ANKRD30A: variants seen among roughly 807,000 people sequenced by gnomAD.
ANKRD30A encodes the protein ankyrin repeat domain-containing protein 30A.
In ANKRD30A, 170 loss-of-function variants were observed where a neutral mutation model predicts 166.3. The observed-to-expected ratio is 1.02, with a 90% CI of 0.90 to 1.16. ANKRD30A has a LOEUF of 1.16. Ranked by LOEUF, ANKRD30A falls within the 50% of genes most tolerant of loss-of-function variation. The pLI, the probability that ANKRD30A is intolerant of heterozygous loss-of-function variation, is 0.00. For missense variants in ANKRD30A, 1,630 were observed against 1,518.0 expected (o/e 1.07, Z -1.23); for synonymous variants, 564 against 508.9 (o/e 1.11, Z -1.46).
chr10:37,208,337 T>C (rs2132712644), intron 31 of ANKRD30A, among the ~76,000 whole-genome samples: 1 of 152,250 alleles, frequency 6.6e-6, no homozygotes. Context: ...TCCTTCTTTC[T>C]GGAGCTGAGT....
intron 5 of ANKRD30A, among the ~76,000 whole-genome samples, 190 bp from the exon 6 acceptor site, chr10:37,136,417 T>C (rs1187769830): frequency 6.6e-6 from 1 of 152,184 alleles, no homozygotes; most frequent in Non-Finnish European, 1.5e-5. Flanking sequence ...CATCTTACTT[T>C]ATTTCTTCTT....
In ANKRD30A at chr10:37,218,004, A is replaced by G. The variant is rs572749646; in HGVS notation, c.3267+126A>G. On this transcript the variant is annotated intron_variant, in intron 33 of 35. Coordinates refer to ENST00000361713, the MANE Select transcript of ANKRD30A (RefSeq NM_052997.3). ...CAAACAAAAATGTTGTCTTAAAATT[A>G]ACTATCACATTTGTAGCTACAGTTA... 113 of 587,834 alleles carry G rather than the reference A, an allele frequency of 1.9e-4. No individual in the cohort carries two copies. The East Asian group carries it at 4.0e-3, about 21-fold the overall frequency. 36.4% of individuals were successfully genotyped at this position (587,834 alleles called of 1,614,324 possible). A position where few individuals can be genotyped will look rare whatever the true frequency, so the allele number is the denominator to read the frequency against.
At chr10:37,145,628 A>G (rs1387193235) in intron 8 of ANKRD30A, among the ~76,000 whole-genome samples, 2 of 152,280 alleles carry the variant, frequency 1.3e-5, no homozygotes, top group African/African-American at 4.8e-5. Context: ...AGAATTCACC[A>G]GTAATTCACA....
intron 29 of ANKRD30A, among the ~76,000 whole-genome samples, chr10:37,198,572 C>G (rs11011067): frequency 6.6e-6 from 1 of 152,010 alleles, no homozygotes; most frequent in Non-Finnish European, 1.5e-5. Flanking sequence ...AGAATTTGAA[C>G]TGTGCCCCAG....
chr10:37,159,543 C>G (rs144065766), intron 15 of ANKRD30A, among the ~76,000 whole-genome samples: 1 of 152,186 alleles, frequency 6.6e-6, no homozygotes, highest in East Asian at 1.9e-4. Flanking sequence ...AACAAAAACT[C>G]ACAACATGTA....
chr10:37,162,022 T>C (rs183261068), intron 15 of ANKRD30A, among the ~76,000 whole-genome samples: 1 of 152,048 alleles, frequency 6.6e-6, no homozygotes. Flanking sequence ...TGAAAGCTTA[T>C]TATAGATTAT....
chr10:37,183,761 A>C lies in ANKRD30A; in HGVS notation c.2422-5706A>C, dbSNP rs71493765. On this transcript the variant is annotated intron_variant, in intron 24 of 35. Transcript: ENST00000361713. ...CCTTGAGAATAAAGCATCTGGTTGT[A>C]ACTCCAGCAGTTTTATATTTAAAGT... is the stretch of plus-strand genomic sequence containing the variant. 8.9e-3 allele frequency among the ~76,000 whole-genome samples: 1,268 copies of C among 142,734 alleles called. 104 individuals carry two copies. The highest frequency in any genetic ancestry group is 0.024 in the African/African-American group (917 of 38,748). The allele number at this position is 142,734 out of a possible 152,430, so 93.6% of individuals were successfully genotyped here.
chr10:37,252,331 C>A, the ANKRD30A span, among the ~76,000 whole-genome samples: 16 of 152,198 alleles, frequency 1.1e-4, no homozygotes, highest in Non-Finnish European at 1.5e-4. Context: ...AGCAACTAGG[C>A]CTTTCAACAG....
chr10:37,234,922 G>A (rs1588972412), downstream of ANKRD30A, among the ~76,000 whole-genome samples: 1 of 152,146 alleles, frequency 6.6e-6, no homozygotes, highest in East Asian at 1.9e-4. Context: ...GGAACATTGT[G>A]TCATATCAGA....
chr10:37,192,624 T>C (rs570661620), intron 25 of ANKRD30A, among the ~76,000 whole-genome samples: 25 of 152,030 alleles, frequency 1.6e-4, no homozygotes, highest in Non-Finnish European at 2.8e-4. Flanking sequence ...GCAACATGTA[T>C]ATATTGACAT....
chr10:37,203,161 A>T (rs577049218), intron 31 of ANKRD30A, among the ~76,000 whole-genome samples: 2 of 152,310 alleles, frequency 1.3e-5, no homozygotes, highest in African/African-American at 4.8e-5. Context: ...CTGATACCAA[A>T]GCCTGGCAGA....
At chr10:37,212,180 A>G (rs1842366915) in intron 31 of ANKRD30A, among the ~76,000 whole-genome samples, 1 of 152,062 alleles carries the variant, frequency 6.6e-6, no homozygotes, top group Non-Finnish European at 1.5e-5. Context: ...GTCTCAGGAT[A>G]CAAAATCAAT....
intron 9 of ANKRD30A, among the ~76,000 whole-genome samples, chr10:37,147,677 A>G (rs1259538855): frequency 6.6e-6 from 1 of 152,178 alleles, no homozygotes; most frequent in Admixed American, 6.5e-5. Flanking sequence ...AATCCAAGAT[A>G]CTCTAGGACA....
intron 7 of ANKRD30A, among the ~76,000 whole-genome samples, chr10:37,143,591 T>C (rs1389182843): frequency 1.3e-5 from 2 of 151,844 alleles, no homozygotes; most frequent in African/African-American, 2.4e-5. Flanking sequence ...GAGGCAGAGG[T>C]TGCAGTGAGC....
rs184285681 is a variant in ANKRD30A at position 37,127,749 on chromosome 10, G to C, written c.221+1741G>C. 1.4e-3 allele frequency among the ~76,000 whole-genome samples: 212 copies of C among 152,122 alleles called. 1 individual carries two copies. Among genetic ancestry groups the C allele is most frequent in the East Asian group, 9.6e-4 (5 of 5,182 alleles). On this transcript the variant is annotated intron_variant, in intron 1 of 35. Coordinates refer to ENST00000361713, the MANE Select transcript of ANKRD30A (RefSeq NM_052997.3). ...TAAGTTAAAAAAGGAATCAAATACT[G>C]TTTTCTATCCACAAAGTTTGTGAGG...
intron 17 of ANKRD30A, among the ~76,000 whole-genome samples, 197 bp from the exon 18 acceptor site, chr10:37,164,897 A>G (rs961707491): frequency 1.3e-5 from 2 of 152,112 alleles, no homozygotes; most frequent in Non-Finnish European, 2.9e-5. Context: ...CTAATGACAT[A>G]ATGTTAATTG....
At chr10:37,191,525 C>T (rs1840576710) in intron 25 of ANKRD30A, among the ~76,000 whole-genome samples, 1 of 152,024 alleles carries the variant, frequency 6.6e-6, no homozygotes, top group Admixed American at 6.6e-5. Flanking sequence ...CATTTATTTT[C>T]TCAGTGTCAT....
intron 25 of ANKRD30A, among the ~76,000 whole-genome samples, chr10:37,192,205 T>A (rs1333836415): frequency 6.6e-6 from 1 of 151,852 alleles, no homozygotes; most frequent in Non-Finnish European, 1.5e-5. Flanking sequence ...CCTGGCTGAT[T>A]TTTGTAATTT....
chr10:37,235,174 T>G (rs1843617052), downstream of ANKRD30A, among the ~76,000 whole-genome samples: 1 of 152,192 alleles, frequency 6.6e-6, no homozygotes, highest in South Asian at 2.1e-4. Flanking sequence ...AAATGCAAAT[T>G]CCTCATTTTA....
Sources: gnomAD v4.1 joint callset for allele counts (sites outside exome capture counted in the v4.1 genomes callset) on GRCh38, gnomAD v4.1.1 for gene constraint, MANE v1.5 for transcripts, NCBI Gene and HGNC (gene_info 2026-07-23, HGNC 2026-07-21) for gene names.